LNPEP: variants seen among roughly 807,000 people sequenced by gnomAD.
The protein encoded by LNPEP is leucyl-cystinyl aminopeptidase.
LNPEP carries 64 observed loss-of-function variants against 120.6 expected under a neutral mutation model. The observed-to-expected ratio is 0.53, with a 90% CI of 0.43 to 0.65. LNPEP has a LOEUF of 0.65. LNPEP is among the 30% of genes least tolerant of loss of function. The probability of loss-of-function intolerance (pLI) is 0.00; values close to 1 mark genes in which losing one functional copy is unlikely to be tolerated. For missense variants in LNPEP, 1,057 were observed against 1,200.0 expected (o/e 0.88, Z 1.76); for synonymous variants, 435 against 425.4 (o/e 1.02, Z -0.28).
At chr5:96,954,629 TATACATATATAC>T (rs1789400136) in intron 1 of LNPEP, among the ~76,000 whole-genome samples, 5 of 79,734 alleles carry the variant, frequency 6.3e-5, no homozygotes, top group African/African-American at 9.4e-5. Context: ...TATATATATA[TATACATATATAC>T]ATATATACAT....
At chr5:96,951,472 A>T (rs1012233904) in intron 1 of LNPEP, among the ~76,000 whole-genome samples, 10 of 151,966 alleles carry the variant, frequency 6.6e-5, no homozygotes, top group African/African-American at 2.4e-4. Flanking sequence ...GTTAGCCAGG[A>T]TGGTCTCGAT....
chr5:97,016,517 A>G (rs528340373), intron 13 of LNPEP, among the ~76,000 whole-genome samples: 20 of 152,190 alleles, frequency 1.3e-4, no homozygotes, highest in Middle Eastern at 3.4e-3. Flanking sequence ...ACCCAGATAA[A>G]TTTCACTCCA....
chr5:96,955,870 A>G (rs1789456170), intron 1 of LNPEP, among the ~76,000 whole-genome samples: 1 of 152,224 alleles, frequency 6.6e-6, no homozygotes, highest in African/African-American at 2.4e-5. Context: ...AAACTGCTAA[A>G]CTATCTTTCA....
At chr5:97,028,237 A>T (rs982532431) in intron 17 of LNPEP, among the ~76,000 whole-genome samples, 165 bp from the exon 18 acceptor site, 1 of 152,180 alleles carries the variant, frequency 6.6e-6, no homozygotes, top group Non-Finnish European at 1.5e-5. Context: ...ACCATACTTG[A>T]TTGGGAACTC....
intron 13 of LNPEP, among the ~76,000 whole-genome samples, chr5:97,020,165 C>T (rs1791159306): frequency 6.6e-6 from 1 of 152,122 alleles, no homozygotes; most frequent in Non-Finnish European, 1.5e-5. Flanking sequence ...TGCTTATTCA[C>T]AGTAAGTCAT....
chr5:97,008,615 G>A (rs974047838), intron 11 of LNPEP, among the ~76,000 whole-genome samples: 37 of 146,040 alleles, frequency 2.5e-4, no homozygotes, highest in Non-Finnish European at 1.0e-4. Flanking sequence ...GCTTCCCAAA[G>A]TGTTGGGATT....
rs12656253 is a variant in LNPEP, at chr5:97,001,450, A to G, written c.1654-1965A>G. 9.1e-3 allele frequency among the ~76,000 whole-genome samples: 1,390 copies of G among 152,270 alleles called. 30 individuals carry two copies. The highest frequency in any genetic ancestry group is 0.066 in the East Asian group (344 of 5,180). On this transcript the variant is annotated intron_variant, in intron 8 of 17. Coordinates refer to ENST00000231368, the MANE Select transcript of LNPEP (RefSeq NM_005575.3). ...AAGAAACTTCCATTTCTAAGTGACT[A>G]TGAGATATGGATTAGATATCCAAAT...
At chr5:96,954,728 A>G (rs1485893052) in intron 1 of LNPEP, among the ~76,000 whole-genome samples, 5 of 107,498 alleles carry the variant, frequency 4.7e-5, no homozygotes, top group Non-Finnish European at 7.7e-5. Flanking sequence ...ATATACATAT[A>G]TATATACATA....
rs7736145 is a variant in LNPEP at position 97,034,546 on chromosome 5, A to C, written c.*6013A>C. 24 of 152,032 alleles carry C rather than the reference A, an allele frequency of 1.6e-4. No homozygotes were observed. Among genetic ancestry groups the C allele is most frequent in the African/African-American group, 5.8e-4 (24 of 41,506 alleles). 9.4% of individuals were successfully genotyped at this position (152,032 alleles called of 1,614,324 possible). On this transcript the variant is annotated 3_prime_UTR_variant, in exon 18 of 18. Transcript: ENST00000231368. Reference sequence around the variant, plus strand: ...TTTTTTGTTTGGAGTTGTAGGAATCAAATGTAATGAGGGACCCAGACCCGA... The same window carrying C: ...TTTTTTGTTTGGAGTTGTAGGAATCCAATGTAATGAGGGACCCAGACCCGA...
rs759962999 is a variant in LNPEP, at chr5:97,006,410, A to G, written c.1947-17A>G. ...AAAATCATATGTAACTAATTTTCCAATGTTTTCTCTTTACAGCTACCTGTG... is the reference window on the plus strand; with the variant it reads ...AAAATCATATGTAACTAATTTTCCAGTGTTTTCTCTTTACAGCTACCTGTG... On this transcript the variant is annotated splice_polypyrimidine_tract_variant and intron_variant, in intron 10 of 17. Transcript: ENST00000231368. The G allele has an allele frequency of 1.4e-6, 2 of 1,476,534 alleles. No homozygotes were observed. Among genetic ancestry groups the G allele is most frequent in the Non-Finnish European group, 9.3e-7 (1 of 1,076,258 alleles). 91.5% of individuals were successfully genotyped at this position (1,476,534 alleles called of 1,614,324 possible).
intron 14 of LNPEP, among the ~76,000 whole-genome samples, chr5:97,024,179 T>G (rs1791282554): frequency 6.6e-6 from 1 of 152,200 alleles, no homozygotes; most frequent in African/African-American, 2.4e-5. Flanking sequence ...CTTATCACAC[T>G]GAATTGTAAT....
intron 1 of LNPEP, 106 bp downstream of exon 1, chr5:96,936,280 C>G: frequency 1.3e-6 from 1 of 758,690 alleles, no homozygotes; most frequent in South Asian, 3.4e-5. Flanking sequence ...CCCAACACCG[C>G]GGGCTTCCCA....
chr5:96,983,269 A>G (rs1004117088), intron 2 of LNPEP, among the ~76,000 whole-genome samples: 2 of 151,908 alleles, frequency 1.3e-5, no homozygotes, highest in African/African-American at 4.8e-5. Flanking sequence ...GTGGTTGTAT[A>G]TGTGCTATAT....
At chr5:96,956,502 C>G (rs190609832) in intron 1 of LNPEP, among the ~76,000 whole-genome samples, 1 of 152,266 alleles carries the variant, frequency 6.6e-6, no homozygotes, top group East Asian at 1.9e-4. Context: ...TGGGCGACTG[C>G]GTGAGACTCC....
In LNPEP at chr5:96,998,020, G is replaced by A; in HGVS notation, c.1528G>A (p.Asp510Asn). The change falls in exon 8 of 18, where the codon GAT becomes AAT. Residue 510 changes from aspartate (D) to asparagine (N), a missense_variant. Transcript: ENST00000231368. Reference sequence around the variant, plus strand: ...TCTTTTCATTTTTTGACAGTATGAAGATTTCTTAGATGCTCGATTTAAAAC... The same window carrying A: ...TCTTTTCATTTTTTGACAGTATGAAAATTTCTTAGATGCTCGATTTAAAAC... ...KIFKELSSYE[D>N]FLDARFKTMK... 1 of 1,562,302 alleles carries A rather than the reference G, an allele frequency of 6.4e-7. No individual in the cohort carries two copies. Among genetic ancestry groups the A allele is most frequent in the Non-Finnish European group, 8.7e-7 (1 of 1,145,620 alleles).
chr5:97,003,988 C>T (rs1790718410), intron 9 of LNPEP, among the ~76,000 whole-genome samples: 1 of 152,024 alleles, frequency 6.6e-6, no homozygotes, highest in Admixed American at 6.6e-5. Context: ...GACTGTTCCT[C>T]CAGAGTAGAT....
chr5:96,979,110 G>A (rs756217519), intron 1 of LNPEP, 28 bp from the exon 2 acceptor site: 5 of 1,554,288 alleles, frequency 3.2e-6, no homozygotes, highest in Non-Finnish European at 4.3e-6. Flanking sequence ...CTAACTCTGT[G>A]CCTTGTTCTT....
intron 11 of LNPEP, among the ~76,000 whole-genome samples, chr5:97,008,552 A>G (rs970313802): frequency 2.7e-5 from 4 of 148,638 alleles, no homozygotes; most frequent in Non-Finnish European, 5.9e-5. Flanking sequence ...GGGCCTCACT[A>G]TGTTGCCCAG....
intron 4 of LNPEP, among the ~76,000 whole-genome samples, chr5:96,991,544 A>G (rs773059412): frequency 2.0e-5 from 3 of 151,792 alleles, no homozygotes; most frequent in African/African-American, 7.3e-5. Context: ...TTTGATTTGC[A>G]TTTTGCTGAT....
Sources: allele counts gnomAD v4.1 joint callset (sites outside exome capture counted in the v4.1 genomes callset), GRCh38; gene constraint gnomAD v4.1.1; transcripts MANE v1.5; gene names NCBI Gene and HGNC (gene_info 2026-07-23, HGNC 2026-07-21).